The following ARMC2 variants were observed in gnomAD, a reference collection of about 807,000 sequenced individuals.
ARMC2 encodes armadillo repeat containing 2.
Under a neutral mutation model 90.3 loss-of-function variants are expected in ARMC2, and 67 were observed. That is an observed-to-expected ratio of 0.74 (90% CI 0.61 to 0.91). ARMC2 has a LOEUF of 0.91. Among genes scored for constraint, ARMC2 ranks in the 40% least tolerant of loss-of-function variants. ARMC2 has a pLI of 0.00. For missense variants in ARMC2, 920 were observed against 1,030.9 expected (o/e 0.89, Z 1.47); for synonymous variants, 393 against 393.0 (o/e 1.00, Z 0.00).
intron 5 of ARMC2, among the ~76,000 whole-genome samples, chr6:108,890,758 T>G (rs1770932420): frequency 6.6e-6 from 1 of 152,150 alleles, no homozygotes; most frequent in Non-Finnish European, 1.5e-5. Flanking sequence ...TCTAACATTA[T>G]TGTTACTTTT....
In ARMC2 at chr6:108,904,207, C is replaced by CT. The variant is rs772593059; in HGVS notation, c.848-20dup. On this transcript the variant is annotated intron_variant, in intron 7 of 17. Coordinates refer to ENST00000392644, the MANE Select transcript of ARMC2 (RefSeq NM_032131.6). ...ACTTAACCTTAATTAGTAAGTGTTG[C>CT]TTTACTCTCTTTGCTCTGACAGAAG... 67 of 1,611,258 alleles carry CT rather than the reference C, an allele frequency of 4.2e-5. 1 individual carries two copies. The South Asian group carries it at 6.4e-4, about 15-fold the overall frequency.
chr6:108,894,392 A>G, intron 5 of ARMC2, 75 bp from the exon 6 acceptor site: 4 of 1,270,208 alleles, frequency 3.1e-6, no homozygotes, highest in Non-Finnish European at 3.3e-6. Flanking sequence ...GAAACTGTAT[A>G]TAGCAGACTC....
At chr6:108,885,091 G>A (rs1290093972) in intron 5 of ARMC2, among the ~76,000 whole-genome samples, 2 of 152,126 alleles carry the variant, frequency 1.3e-5, no homozygotes, top group African/African-American at 4.8e-5. Context: ...GAAACCATGA[G>A]CCTTTAAGCT....
chr6:108,852,305 C>G (rs17069933), intron 1 of ARMC2, among the ~76,000 whole-genome samples: 1 of 152,056 alleles, frequency 6.6e-6, no homozygotes, highest in Non-Finnish European at 1.5e-5. Context: ...ATGATCATAA[C>G]ATTGTGCAGA....
chr6:108,864,946 A>G (rs75495945), intron 3 of ARMC2, among the ~76,000 whole-genome samples: 4,865 of 151,658 alleles, frequency 0.032, 221 homozygotes, highest in African/African-American at 0.097. Flanking sequence ...TACTCAAGTC[A>G]TGGGTTAGTG....
At chr6:108,886,048 C>A (rs954801298) in intron 5 of ARMC2, among the ~76,000 whole-genome samples, 1 of 152,214 alleles carries the variant, frequency 6.6e-6, no homozygotes, top group Non-Finnish European at 1.5e-5. Flanking sequence ...CAACTTGAAT[C>A]TAGTTTGAAA....
chr6:109,002,104 A>C, the ARMC2 span, among the ~76,000 whole-genome samples: 1 of 152,330 alleles, frequency 6.6e-6, no homozygotes, highest in South Asian at 2.1e-4. Flanking sequence ...AGAAATCAAC[A>C]CAAGTACAAC....
chr6:108,857,806 T>C (rs1330067396), intron 2 of ARMC2, among the ~76,000 whole-genome samples: 3 of 152,220 alleles, frequency 2.0e-5, no homozygotes, highest in Non-Finnish European at 4.4e-5. Flanking sequence ...ATTACATTGA[T>C]TGATTTTCAA....
At chr6:108,944,611 T>C (rs1441690849) in intron 12 of ARMC2, among the ~76,000 whole-genome samples, 1 of 152,184 alleles carries the variant, frequency 6.6e-6, no homozygotes, top group Non-Finnish European at 1.5e-5. Context: ...AATTTCATCT[T>C]TAAAATAATT....
chr6:108,872,412 A>G (rs928361348), intron 4 of ARMC2, among the ~76,000 whole-genome samples: 1 of 152,150 alleles, frequency 6.6e-6, no homozygotes, highest in African/African-American at 2.4e-5. Flanking sequence ...ACCAAGCCCT[A>G]CACGTGCTTC....
chr6:109,037,063 A>G, the ARMC2 span, among the ~76,000 whole-genome samples: 2 of 152,206 alleles, frequency 1.3e-5, no homozygotes, highest in Non-Finnish European at 2.9e-5. Context: ...TAGCTGTTAT[A>G]TTCCTGATAC....
intron 10 of ARMC2, among the ~76,000 whole-genome samples, chr6:108,914,849 C>T (rs1386321619): frequency 6.6e-6 from 1 of 152,114 alleles, no homozygotes; most frequent in Non-Finnish European, 1.5e-5. Flanking sequence ...TGACTTTTCA[C>T]CAGCCGGTTC....
At chr6:108,912,840 C>A (rs62427187) in intron 10 of ARMC2, among the ~76,000 whole-genome samples, 417 of 152,338 alleles carry the variant, frequency 2.7e-3, no homozygotes, top group Non-Finnish European at 4.0e-3. Context: ...TTGTACCTCT[C>A]TGCAAAACAA....
the ARMC2 span, among the ~76,000 whole-genome samples, chr6:108,994,062 CCT>C: frequency 1.1e-4 from 17 of 150,650 alleles, 1 homozygote; most frequent in Admixed American, 1.3e-4. Flanking sequence ...ATCGCTTGAG[CCT>C]AAGAGTCTCA....
chr6:108,893,581 A>G (rs1419645733), intron 5 of ARMC2, among the ~76,000 whole-genome samples: 2 of 152,270 alleles, frequency 1.3e-5, no homozygotes, highest in East Asian at 1.9e-4. Context: ...CCCTTGTGGT[A>G]TATATCCTTA....
At chr6:108,926,650 G>A (rs1205692940) in intron 10 of ARMC2, among the ~76,000 whole-genome samples, 1 of 152,096 alleles carries the variant, frequency 6.6e-6, no homozygotes, top group African/African-American at 2.4e-5. Flanking sequence ...GCTTGAATGG[G>A]GGAGGCAGAG....
chr6:108,904,504 G>A (rs368679434), intron 8 of ARMC2, 99 bp downstream of exon 8: 85 of 1,176,236 alleles, frequency 7.2e-5, no homozygotes, highest in African/African-American at 4.0e-4. Context: ...GAAATGCAGT[G>A]TATTTGTTTA....
chr6:109,034,342 T>G, the ARMC2 span, among the ~76,000 whole-genome samples: 1 of 152,236 alleles, frequency 6.6e-6, no homozygotes, highest in South Asian at 2.1e-4. Context: ...ATTTACTAAG[T>G]ATCTGTAAAT....
chr6:108,883,218 G>A (rs1199279840), intron 5 of ARMC2, among the ~76,000 whole-genome samples: 2 of 152,186 alleles, frequency 1.3e-5, no homozygotes. Context: ...GTGTAATAAG[G>A]GGTAACTGAA....
Sources: allele counts gnomAD v4.1 joint callset (sites outside exome capture counted in the v4.1 genomes callset), GRCh38; gene constraint gnomAD v4.1.1; transcripts MANE v1.5; gene names NCBI Gene and HGNC (gene_info 2026-07-23, HGNC 2026-07-21).